The following PLCB1 variants were observed in gnomAD, a reference collection of about 807,000 sequenced individuals.
PLCB1 encodes the protein 1-phosphatidylinositol 4,5-bisphosphate phosphodiesterase beta-1.
PLCB1 carries 46 observed loss-of-function variants against 161.8 expected under a neutral mutation model. That is an observed-to-expected ratio of 0.28 (90% CI 0.22 to 0.36). PLCB1 has a LOEUF of 0.36. Among genes scored for constraint, PLCB1 ranks in the 10% least tolerant of loss-of-function variants. The pLI is 1.00. For missense variants in PLCB1, 1,016 were observed against 1,472.5 expected (o/e 0.69, Z 5.07); for synonymous variants, 517 against 503.7 (o/e 1.03, Z -0.35).
At chr20:8,504,872 GT>G (rs1378553598) in intron 3 of PLCB1, among the ~76,000 whole-genome samples, 3 of 152,166 alleles carry the variant, frequency 2.0e-5, no homozygotes, top group Non-Finnish European at 2.9e-5. Flanking sequence ...ATATTGGATA[GT>G]TTTTGTTTTT....
chr20:8,661,533 C>T (rs1205135090), intron 9 of PLCB1, among the ~76,000 whole-genome samples: 2 of 151,938 alleles, frequency 1.3e-5, no homozygotes, highest in Non-Finnish European at 2.9e-5. Context: ...CTCTAGAATC[C>T]ATATGAAAGA....
intron 11 of PLCB1, among the ~76,000 whole-genome samples, chr20:8,706,585 C>CT (rs35699280): frequency 6.6e-6 from 1 of 152,122 alleles, no homozygotes; most frequent in African/African-American, 2.4e-5. Flanking sequence ...AAATCCAGCC[C>CT]TTTTTTTCCA....
Position 8,848,769 on chromosome 20 carries a change from C to G in PLCB1, c.3424-32853C>G, listed in dbSNP as rs529771342. On this transcript the variant is annotated intron_variant, in intron 31 of 31. Transcript: ENST00000338037. ...TGGAAGTCCGGGATGAGGACTGAGACTCTCTTTGTAGCAGGTTCCCCCCAG... is the reference window on the plus strand; with the variant it reads ...TGGAAGTCCGGGATGAGGACTGAGAGTCTCTTTGTAGCAGGTTCCCCCCAG... Among the ~76,000 whole-genome samples the G allele has an allele frequency of 8.1e-4, 123 of 152,356 alleles. 1 individual carries two copies. The highest frequency in any genetic ancestry group is 2.9e-3 in the African/African-American group (122 of 41,582).
chr20:8,316,300 C>T (rs1277488068), intron 2 of PLCB1, among the ~76,000 whole-genome samples: 2 of 152,086 alleles, frequency 1.3e-5, no homozygotes, highest in South Asian at 2.1e-4. Flanking sequence ...TTTCCATCCC[C>T]TCCCCTCAAA....
intron 3 of PLCB1, chr20:8,623,751 A>G (rs1988251230): frequency 6.6e-6 from 1 of 152,226 alleles, no homozygotes; most frequent in African/African-American, 2.4e-5. Context: ...ATTTAGAAGA[A>G]TATTCACAGC....
intron 31 of PLCB1, among the ~76,000 whole-genome samples, chr20:8,859,439 C>T (rs190483636): frequency 1.5e-3 from 224 of 152,208 alleles, no homozygotes; most frequent in African/African-American, 4.9e-3. Flanking sequence ...CTGGAGTGGG[C>T]CTGAAGTGAT....
chr20:8,139,392 G>A lies in PLCB1; in HGVS notation c.99+6642G>A, dbSNP rs1226462435. Among the ~76,000 whole-genome samples, 5 of 151,910 alleles carry A rather than the reference G, an allele frequency of 3.3e-5. 1 individual carries two copies. Among genetic ancestry groups the A allele is most frequent in the Admixed American group, 6.6e-5 (1 of 15,244 alleles). The stretch of plus-strand genomic sequence containing the variant: ...ATTACAGGTGTGAGCCACCGCACCC[G>A]GCCTTCAAGGGCTTTTTTTGTTTAC... On this transcript the variant is annotated intron_variant, in intron 1 of 31. Coordinates refer to ENST00000338037, the MANE Select transcript of PLCB1 (RefSeq NM_015192.4).
At chr20:8,671,952 A>G (rs1989957017) in intron 9 of PLCB1, among the ~76,000 whole-genome samples, 1 of 152,246 alleles carries the variant, frequency 6.6e-6, no homozygotes, top group South Asian at 2.1e-4. Context: ...TACGTCTCTC[A>G]TAGGATTTCT....
At chr20:8,613,932 A>C (rs967895794) in intron 3 of PLCB1, among the ~76,000 whole-genome samples, 2 of 151,662 alleles carry the variant, frequency 1.3e-5, no homozygotes, top group African/African-American at 4.8e-5. Context: ...CAAATGATAC[A>C]TTTGAAAAAA....
intron 31 of PLCB1, among the ~76,000 whole-genome samples, chr20:8,878,738 A>T (rs1987867643): frequency 6.6e-6 from 1 of 151,322 alleles, no homozygotes. Context: ...ATTTTTATTT[A>T]TTTTTATTTT....
At chr20:8,310,185 T>C (rs1163737832) in intron 2 of PLCB1, among the ~76,000 whole-genome samples, 1 of 152,192 alleles carries the variant, frequency 6.6e-6, no homozygotes, top group African/African-American at 2.4e-5. Context: ...AAAAAAAATT[T>C]CCCCATCCCT....
intron 3 of PLCB1, among the ~76,000 whole-genome samples, chr20:8,426,021 C>T (rs1483848216): frequency 1.3e-5 from 2 of 152,190 alleles, no homozygotes; most frequent in Non-Finnish European, 2.9e-5. Flanking sequence ...TTTATGGTGA[C>T]ACTTTTCTGG....
chr20:8,635,349 G>A (rs1461177632), intron 4 of PLCB1, among the ~76,000 whole-genome samples: 4 of 152,164 alleles, frequency 2.6e-5, no homozygotes, highest in East Asian at 1.9e-4. Context: ...TTGAAAATAA[G>A]TGATAGGTCA....
intron 2 of PLCB1, among the ~76,000 whole-genome samples, chr20:8,195,846 C>T (rs2052018092): frequency 6.6e-6 from 1 of 152,030 alleles, no homozygotes; most frequent in African/African-American, 2.4e-5. Context: ...TGAGGTTCTG[C>T]ATTTGTATTA....
intron 3 of PLCB1, among the ~76,000 whole-genome samples, chr20:8,380,621 C>T (rs1987226956): frequency 6.6e-6 from 1 of 151,944 alleles, no homozygotes; most frequent in South Asian, 2.1e-4. Flanking sequence ...CTCTTATTTC[C>T]TTGAGCAGTG....
intron 2 of PLCB1, among the ~76,000 whole-genome samples, chr20:8,165,447 C>G (rs2051665457): frequency 6.6e-6 from 1 of 152,166 alleles, no homozygotes; most frequent in Admixed American, 6.5e-5. Flanking sequence ...GGAAGACTCT[C>G]TCTAACCCTG....
chr20:8,776,672 T>G (rs1405491202), intron 27 of PLCB1, among the ~76,000 whole-genome samples: 1 of 152,216 alleles, frequency 6.6e-6, no homozygotes, highest in Non-Finnish European at 1.5e-5. Flanking sequence ...CATTCAGCCA[T>G]TCATTCATTC....
intron 3 of PLCB1, among the ~76,000 whole-genome samples, chr20:8,552,158 G>A (rs979346441): frequency 1.2e-4 from 19 of 152,154 alleles, no homozygotes; most frequent in Admixed American, 6.5e-5. Flanking sequence ...CACAACAGGG[G>A]CTTCTAAGAC....
chr20:8,544,149 G>A (rs1432973744), intron 3 of PLCB1, among the ~76,000 whole-genome samples: 3 of 152,200 alleles, frequency 2.0e-5, no homozygotes, highest in Middle Eastern at 3.4e-3. Context: ...CAAACCTGCA[G>A]ATGTACCTCG....
Sources: gnomAD v4.1 joint callset for allele counts (sites outside exome capture counted in the v4.1 genomes callset) on GRCh38, gnomAD v4.1.1 for gene constraint, MANE v1.5 for transcripts, NCBI Gene and HGNC (gene_info 2026-07-23, HGNC 2026-07-21) for gene names.